Variants in SNX13 observed in about 807,000 individuals in gnomAD.
The protein encoded by SNX13 is sorting nexin 13.
SNX13 carries 45 observed loss-of-function variants against 133.6 expected under a neutral mutation model. That is an observed-to-expected ratio of 0.34 (90% CI 0.27 to 0.43). SNX13 has a LOEUF of 0.43. SNX13 is among the 20% of genes least tolerant of loss of function. The probability of loss-of-function intolerance (pLI) is 1.00; values close to 1 mark genes in which losing one functional copy is unlikely to be tolerated. For synonymous variants in SNX13, 414 were observed against 373.9 expected (o/e 1.11, Z -1.24); for missense variants, 1,032 against 1,145.1 (o/e 0.90, Z 1.43).
intron 11 of SNX13, among the ~76,000 whole-genome samples, chr7:17,849,485 T>C (rs1256765459): frequency 6.6e-6 from 1 of 152,214 alleles, no homozygotes; most frequent in African/African-American, 2.4e-5. Context: ...AGAGTAAAGA[T>C]AATAATTTTA....
chr7:17,899,343 A>G (rs969952227), intron 1 of SNX13: 3 of 151,898 alleles, frequency 2.0e-5, no homozygotes, highest in African/African-American at 7.3e-5. Context: ...TTTAATATTG[A>G]TATCTTTTAC....
intron 18 of SNX13, among the ~76,000 whole-genome samples, chr7:17,818,547 T>C (rs972461977): frequency 6.6e-6 from 1 of 152,158 alleles, no homozygotes; most frequent in African/African-American, 2.4e-5. Flanking sequence ...AAAAGATTAT[T>C]TTAAACTACG....
chr7:17,866,496 G>C (rs963123337), intron 9 of SNX13, among the ~76,000 whole-genome samples: 1 of 151,964 alleles, frequency 6.6e-6, no homozygotes, highest in Non-Finnish European at 1.5e-5. Flanking sequence ...ACAAATGCTT[G>C]CAAGTATGTA....
intron 1 of SNX13, 81 bp downstream of exon 1, chr7:17,940,203 G>C: frequency 1.3e-6 from 2 of 1,537,300 alleles, no homozygotes; most frequent in Non-Finnish European, 1.8e-6. Flanking sequence ...CCCACCTTCC[G>C]TACAGATGAT....
chr7:17,939,759 G>T (rs1286797836), intron 1 of SNX13, among the ~76,000 whole-genome samples: 1 of 152,224 alleles, frequency 6.6e-6, no homozygotes, highest in East Asian at 1.9e-4. Flanking sequence ...AGCCATACAT[G>T]TGCAGCTTGA....
At chr7:17,870,847 G>A (rs1794012494) in intron 8 of SNX13, among the ~76,000 whole-genome samples, 1 of 152,148 alleles carries the variant, frequency 6.6e-6, no homozygotes, top group South Asian at 2.1e-4. Context: ...TAAATGCTAT[G>A]AAGGAAAACA....
intron 1 of SNX13, among the ~76,000 whole-genome samples, chr7:17,933,599 C>T (rs180832154): frequency 7.9e-5 from 12 of 151,106 alleles, no homozygotes; most frequent in Non-Finnish European, 4.4e-5. Context: ...ATCGGTTTAC[C>T]AACCACACAA....
chr7:17,907,977 G>A (rs772829700), intron 1 of SNX13, among the ~76,000 whole-genome samples: 3 of 152,068 alleles, frequency 2.0e-5, no homozygotes, highest in Non-Finnish European at 4.4e-5. Context: ...AATATCTCCT[G>A]AGTTTCAGAA....
At chr7:17,837,921 T>C (rs989927267) in intron 13 of SNX13, among the ~76,000 whole-genome samples, 1 of 151,860 alleles carries the variant, frequency 6.6e-6, no homozygotes, top group African/African-American at 2.4e-5. Flanking sequence ...AACCTACATG[T>C]ATCATCAAAC....
chr7:17,830,523 T>C, intron 15 of SNX13: 1 of 984,144 alleles, frequency 1.0e-6, no homozygotes, highest in Non-Finnish European at 1.2e-6. Flanking sequence ...TAAGTCCTCT[T>C]ATTCTTGGTG....
intron 13 of SNX13, 34 bp downstream of exon 13, chr7:17,839,773 A>G: frequency 3.9e-6 from 6 of 1,520,832 alleles, no homozygotes; most frequent in Non-Finnish European, 5.3e-6. Context: ...TAATACTGCT[A>G]AAGAAGAAAA....
At position 17,897,456 on chromosome 7, in the gene SNX13, A is replaced by G; in HGVS notation, c.13-10T>C. 5 of 1,461,484 alleles carry G rather than the reference A, an allele frequency of 3.4e-6. No individual in the cohort carries two copies. Among genetic ancestry groups the G allele is most frequent in the Non-Finnish European group, 4.6e-6 (5 of 1,077,022 alleles). The allele number at this position is 1,461,484 out of a possible 1,614,324, so 90.5% of individuals were successfully genotyped here. A position where few individuals can be genotyped will look rare whatever the true frequency, so the allele number is the denominator to read the frequency against. On this transcript the variant is annotated splice_polypyrimidine_tract_variant and intron_variant, in intron 1 of 25. Coordinates refer to ENST00000428135, the MANE Select transcript of SNX13 (RefSeq NM_015132.5). Reference sequence around the variant, plus strand: ...ATATGGATAGACTGGCCTGAAATACAGAAAAAATATAAGTAAATTAGTAAA... The same window carrying G: ...ATATGGATAGACTGGCCTGAAATACGGAAAAAATATAAGTAAATTAGTAAA...
intron 1 of SNX13, among the ~76,000 whole-genome samples, chr7:17,904,740 T>A (rs995492584): frequency 6.6e-6 from 1 of 152,158 alleles, no homozygotes; most frequent in African/African-American, 2.4e-5. Context: ...ACAGAAATTA[T>A]ATATATAGTT....
At position 17,834,270 on chromosome 7, in the gene SNX13, G is replaced by A; in HGVS notation, c.1465-86C>T. 8.4e-6 allele frequency: 10 copies of A among 1,196,980 alleles called. No homozygotes were observed. In the South Asian group the frequency reaches 2.0e-4, roughly 24 times the overall value. 74.1% of individuals were successfully genotyped at this position (1,196,980 alleles called of 1,614,324 possible). A position where few individuals can be genotyped will look rare whatever the true frequency, so the allele number is the denominator to read the frequency against. On this transcript the variant is annotated intron_variant, in intron 14 of 25. Coordinates refer to ENST00000428135, the MANE Select transcript of SNX13 (RefSeq NM_015132.5). ...ACACAATTTCACCAAAAGACACACT[G>A]AGGTCTTGCCATAATGTATCATAGT...
rs1787287146 is a variant in SNX13 at position 17,821,613 on chromosome 7, A to G, written c.1741T>C (p.Tyr581His). Residue 581 changes from tyrosine to histidine, a missense_variant, in exon 18 of 26, where the codon TAT (tyrosine) becomes CAT (histidine). Transcript: ENST00000428135. ...TTGCGCCGGTGTACAGTGATGGCAT[A>G]TAATGCATATGTCTTGCCATGATCA... is the stretch of plus-strand genomic sequence containing the variant. ...CNDHGKTYAL[Y>H]AITVHRRNLN... 20 of 1,613,646 alleles carry G rather than the reference A, an allele frequency of 1.2e-5. No homozygotes were observed. The highest frequency in any genetic ancestry group is 1.7e-5 in the Non-Finnish European group (20 of 1,179,646).
At chr7:17,837,719 G>C (rs1322664906) in intron 13 of SNX13, among the ~76,000 whole-genome samples, 1 of 151,774 alleles carries the variant, frequency 6.6e-6, no homozygotes, top group Non-Finnish European at 1.5e-5. Context: ...GAGGAAAAAT[G>C]GTTTTTAAAT....
chr7:17,897,353 T>C lies in SNX13; in HGVS notation c.106A>G (p.Ile36Val), dbSNP rs371265407. Residue 36 changes from isoleucine (I) to valine (V), a missense_variant, in exon 2 of 26, where the codon ATC (isoleucine) becomes GTC (valine). Ile to Val is a conservative substitution (Grantham distance 29). Coordinates refer to ENST00000428135, the MANE Select transcript of SNX13 (RefSeq NM_015132.5). The part of the protein sequence containing the change: ...PFVIFYLTFY[I>V]LCFVGGGLVV... ...ACTTACCCACCCACAAAGCAGAGGATATAAAATGTCAAATAAAATATTACA... is the reference window on the plus strand; with the variant it reads ...ACTTACCCACCCACAAAGCAGAGGACATAAAATGTCAAATAAAATATTACA... 2.5e-6 allele frequency: 4 copies of C among 1,580,052 alleles called. No individual in the cohort carries two copies. Among genetic ancestry groups the C allele is most frequent in the Admixed American group, 1.8e-5 (1 of 56,844 alleles).
chr7:17,823,407 A>G (rs1468054406), intron 17 of SNX13, among the ~76,000 whole-genome samples: 2 of 152,186 alleles, frequency 1.3e-5, no homozygotes, highest in Non-Finnish European at 2.9e-5. Flanking sequence ...TATTTCGTAT[A>G]TAACTGGGCA....
chr7:17,848,369 G>T (rs77521276), intron 11 of SNX13, among the ~76,000 whole-genome samples: 5,876 of 152,134 alleles, frequency 0.039, 149 homozygotes, highest in Middle Eastern at 0.13. Flanking sequence ...CCTGGACGCC[G>T]AGTAAGAGCT....
Sources: allele counts gnomAD v4.1 joint callset (sites outside exome capture counted in the v4.1 genomes callset), GRCh38; gene constraint gnomAD v4.1.1; transcripts MANE v1.5; gene names NCBI Gene and HGNC (gene_info 2026-07-23, HGNC 2026-07-21).